TENM3: variants seen among roughly 807,000 people sequenced by gnomAD.
TENM3 encodes the protein teneurin transmembrane protein 3.
In TENM3, 63 loss-of-function variants were observed where a neutral mutation model predicts 255.1. The ratio of observed to expected loss-of-function variants is 0.25; its 90% CI spans 0.20 to 0.30. The LOEUF (loss-of-function observed/expected upper bound fraction) is 0.30, where lower values mean the gene tolerates loss of function less well. TENM3 is among the 10% of genes least tolerant of loss of function. The probability of loss-of-function intolerance (pLI) is 1.00; values close to 1 mark genes in which losing one functional copy is unlikely to be tolerated. For missense variants in TENM3, 2,929 were observed against 3,461.1 expected (o/e 0.85, Z 3.86); for synonymous variants, 1,306 against 1,322.3 (o/e 0.99, Z 0.27).
At chr4:181,462,477 AG>A in the TENM3 span, among the ~76,000 whole-genome samples, 166 of 152,292 alleles carry the variant, frequency 1.1e-3, no homozygotes, top group Non-Finnish European at 1.5e-3. Flanking sequence ...GGACAATCTT[AG>A]TACTCACTTC....
At chr4:181,807,423 C>T in the TENM3 span, among the ~76,000 whole-genome samples, 10 of 152,236 alleles carry the variant, frequency 6.6e-5, no homozygotes, top group Middle Eastern at 3.4e-3. Flanking sequence ...GCACAATCTC[C>T]GCTCACCGCA....
the TENM3 span, among the ~76,000 whole-genome samples, chr4:181,587,022 A>G: frequency 6.6e-6 from 1 of 152,166 alleles, no homozygotes; most frequent in Non-Finnish European, 1.5e-5. Context: ...CACTCACTAA[A>G]ATAAGTGAAA....
rs369988676 is a variant in TENM3 at position 182,554,898 on chromosome 4, A to G, written c.512-46026A>G. On this transcript the variant is annotated intron_variant, in intron 3 of 27. Transcript: ENST00000511685. Reference sequence around the variant, plus strand: ...AAGCTTTTTTTTTTTTTCCTTTCACATGATGTACGTTTCTCTAAAGCCAGA... The same window carrying G: ...AAGCTTTTTTTTTTTTTCCTTTCACGTGATGTACGTTTCTCTAAAGCCAGA... Among the ~76,000 whole-genome samples, 5 of 147,510 alleles carry G rather than the reference A, an allele frequency of 3.4e-5. No homozygotes were observed. In the South Asian group the frequency reaches 8.5e-4, roughly 25 times the overall value.
chr4:182,135,468 G>A, the TENM3 span, among the ~76,000 whole-genome samples: 125 of 152,272 alleles, frequency 8.2e-4, 2 homozygotes, highest in East Asian at 0.023. Flanking sequence ...CAGGATTTAT[G>A]GATGAACCAG....
the TENM3 span, among the ~76,000 whole-genome samples, chr4:181,808,867 C>T: frequency 3.0e-4 from 46 of 152,296 alleles, no homozygotes; most frequent in African/African-American, 1.0e-3. Flanking sequence ...AGCTACAGGA[C>T]AATACGTCCC....
intron 1 of TENM3, among the ~76,000 whole-genome samples, chr4:182,207,258 G>A (rs775931149): frequency 3.3e-5 from 5 of 152,202 alleles, no homozygotes; most frequent in Non-Finnish European, 7.3e-5. Context: ...TATCTTCAAG[G>A]GGGAGAATGT....
chr4:182,011,981 A>T, the TENM3 span, among the ~76,000 whole-genome samples: 1 of 152,150 alleles, frequency 6.6e-6, no homozygotes, highest in Non-Finnish European at 1.5e-5. Flanking sequence ...TCATGGAGAG[A>T]CCTAGATAGA....
intron 3 of TENM3, among the ~76,000 whole-genome samples, chr4:182,405,401 T>C (rs1399825699): frequency 6.6e-6 from 1 of 152,210 alleles, no homozygotes; most frequent in Non-Finnish European, 1.5e-5. Flanking sequence ...TACCTAAGGT[T>C]GTGCATTGAG....
Position 182,437,778 on chromosome 4 carries a change from A to G in TENM3, c.511+90849A>G, listed in dbSNP as rs894194278. ...GCACCACCGCACTTCAGCCTGGATG[A>G]CAGAGCGAGACTCCGTCTAAAAAAA... On this transcript the variant is annotated intron_variant, in intron 3 of 27. Transcript: ENST00000511685. Among the ~76,000 whole-genome samples, 5 of 149,250 alleles carry G rather than the reference A, an allele frequency of 3.4e-5. No individual in the cohort carries two copies. In the East Asian group the frequency reaches 1.0e-3, roughly 30 times the overall value.
intron 3 of TENM3, among the ~76,000 whole-genome samples, chr4:182,446,108 A>G (rs887247204): frequency 2.0e-5 from 3 of 152,188 alleles, no homozygotes; most frequent in Non-Finnish European, 2.9e-5. Flanking sequence ...CTTTTCAACA[A>G]TAGAAATTGT....
At chr4:182,747,138 G>C (rs1762065049) in intron 19 of TENM3, among the ~76,000 whole-genome samples, 3 of 152,252 alleles carry the variant, frequency 2.0e-5, no homozygotes, top group Admixed American at 2.0e-4. Context: ...AAAAGAAATG[G>C]AAAAGTGTGT....
At chr4:182,140,142 G>T (rs1249329196), upstream of TENM3, among the ~76,000 whole-genome samples, 33 of 152,200 alleles carry the variant, frequency 2.2e-4, 1 homozygote, top group Admixed American at 2.2e-3. Context: ...CTACTTGAGA[G>T]ACTTCCATGT....
At chr4:181,534,310 A>C in the TENM3 span, among the ~76,000 whole-genome samples, 2 of 152,176 alleles carry the variant, frequency 1.3e-5, no homozygotes, top group African/African-American at 4.8e-5. Context: ...GGTATAGAAC[A>C]TAAACAAGGA....
intron 3 of TENM3, among the ~76,000 whole-genome samples, chr4:182,433,968 T>G (rs539856198): frequency 6.6e-6 from 1 of 152,074 alleles, no homozygotes; most frequent in East Asian, 1.9e-4. Flanking sequence ...TTTTAAAAAT[T>G]AGGCTAGCAT....
intron 19 of TENM3, among the ~76,000 whole-genome samples, chr4:182,749,313 A>C (rs1762217299): frequency 6.6e-6 from 1 of 152,228 alleles, no homozygotes; most frequent in Non-Finnish European, 1.5e-5. Flanking sequence ...AAGTAAAAAA[A>C]CAAATTTAAA....
intron 4 of TENM3, among the ~76,000 whole-genome samples, chr4:182,616,740 A>G (rs1330833108): frequency 6.6e-6 from 1 of 152,080 alleles, no homozygotes; most frequent in East Asian, 1.9e-4. Context: ...GCTGATGGAG[A>G]ATTATTTCCA....
At chr4:181,605,570 G>GAAAGAAAGAA in the TENM3 span, among the ~76,000 whole-genome samples, 52 of 24,828 alleles carry the variant, frequency 2.1e-3, 10 homozygotes, top group South Asian at 5.9e-3. Flanking sequence ...AAGAAAGAAA[G>GAAAGAAAGAA]AGAGAGAAAG....
chr4:182,753,502 T>G lies in TENM3; in HGVS notation c.3915T>G (p.Ile1305Met). Residue 1305 changes from isoleucine (I) to methionine (M), a missense_variant, in exon 21 of 28, where the codon ATT (isoleucine) becomes ATG (methionine). By Grantham distance (10) the Ile-to-Met change is conservative. Transcript: ENST00000511685. ...TCTACTTTGTTGATGGAACCATGAT[T>G]AGGAAAGTTGACCAAAATGGAATCA... ...GLIYFVDGTM[I>M]RKVDQNGIIS... 6.2e-7 allele frequency: 1 copy of G among 1,613,946 alleles called. No homozygotes were observed.
the TENM3 span, among the ~76,000 whole-genome samples, chr4:182,027,316 G>T: frequency 6.6e-6 from 1 of 152,030 alleles, no homozygotes; most frequent in Non-Finnish European, 1.5e-5. Flanking sequence ...ATTTTTGTAT[G>T]TTGATTTTGT....
Sources: allele counts gnomAD v4.1 joint callset (sites outside exome capture counted in the v4.1 genomes callset), GRCh38; gene constraint gnomAD v4.1.1; transcripts MANE v1.5; gene names NCBI Gene and HGNC (gene_info 2026-07-23, HGNC 2026-07-21).